NTNG1: variants seen among roughly 807,000 people sequenced by gnomAD.
NTNG1 encodes the protein netrin-G1.
NTNG1 carries 16 observed loss-of-function variants against 54.0 expected under a neutral mutation model. That is an observed-to-expected ratio of 0.30 (90% CI 0.20 to 0.45). The LOEUF (loss-of-function observed/expected upper bound fraction) is 0.45. Ranked by LOEUF, NTNG1 falls within the 20% of genes least tolerant of loss-of-function variation. The pLI is 1.00. For synonymous variants in NTNG1, 255 were observed against 263.1 expected (o/e 0.97, Z 0.30); for missense variants, 530 against 678.7 (o/e 0.78, Z 2.43).
chr1:107,472,677 C>T (rs952053093), intron 7 of NTNG1, among the ~76,000 whole-genome samples: 5 of 141,006 alleles, frequency 3.5e-5, no homozygotes, highest in African/African-American at 9.8e-5. Flanking sequence ...CATACTACCC[C>T]TCATGGCCAG....
At chr1:107,430,541 C>T (rs940037343) in intron 5 of NTNG1, 9 of 689,566 alleles carry the variant, frequency 1.3e-5, no homozygotes, top group South Asian at 3.1e-5. Flanking sequence ...AGTCTTGTTC[C>T]GAATGTCCGA....
At chr1:107,359,207 T>C (rs1203046518) in intron 3 of NTNG1, among the ~76,000 whole-genome samples, 1 of 152,196 alleles carries the variant, frequency 6.6e-6, no homozygotes, top group Non-Finnish European at 1.5e-5. Context: ...TAGCAGCTCA[T>C]GACAATGTAA....
At chr1:107,185,839 C>T (rs1452327384) in intron 2 of NTNG1, among the ~76,000 whole-genome samples, 2 of 149,820 alleles carry the variant, frequency 1.3e-5, no homozygotes, top group African/African-American at 2.5e-5. Flanking sequence ...CAGTCTACCA[C>T]ATCCTTATCC....
At chr1:107,238,774 A>G (rs1028014777) in intron 2 of NTNG1, among the ~76,000 whole-genome samples, 1 of 150,002 alleles carries the variant, frequency 6.7e-6, no homozygotes, top group Non-Finnish European at 1.5e-5. Context: ...GCCATGTGGA[A>G]CTGTGAGTCC....
At chr1:107,368,553 A>G (rs1458067462) in intron 3 of NTNG1, among the ~76,000 whole-genome samples, 1 of 152,204 alleles carries the variant, frequency 6.6e-6, no homozygotes, top group Non-Finnish European at 1.5e-5. Flanking sequence ...CTCCTTCATT[A>G]GAGCCACCAT....
chr1:107,358,356 T>C (rs573329281), intron 3 of NTNG1, among the ~76,000 whole-genome samples: 1 of 149,318 alleles, frequency 6.7e-6, no homozygotes, highest in South Asian at 2.2e-4. Flanking sequence ...GAGATAGTAC[T>C]TAATTTTTTT....
chr1:107,410,589 C>T (rs1239141789), intron 5 of NTNG1: 1 of 152,148 alleles, frequency 6.6e-6, no homozygotes, highest in East Asian at 1.9e-4. Flanking sequence ...GCCTTTGAGC[C>T]TTATGATCTA....
chr1:107,424,724 T>G (rs931001873), intron 5 of NTNG1, among the ~76,000 whole-genome samples: 1 of 152,076 alleles, frequency 6.6e-6, no homozygotes, highest in African/African-American at 2.4e-5. Context: ...TTGAACAAGT[T>G]AAAGTTGAAA....
chr1:107,263,431 C>T (rs1663504462), intron 2 of NTNG1, among the ~76,000 whole-genome samples: 2 of 151,128 alleles, frequency 1.3e-5, no homozygotes, highest in African/African-American at 4.9e-5. Context: ...TATACTCTTT[C>T]TATTTAGGCA....
intron 3 of NTNG1, among the ~76,000 whole-genome samples, chr1:107,385,213 G>A (rs553119633): frequency 9.1e-4 from 138 of 152,264 alleles, no homozygotes; most frequent in African/African-American, 3.1e-3. Context: ...GACTGGGATC[G>A]TGGCCTCTGC....
At chr1:107,395,400 T>G in intron 4 of NTNG1, 74 bp downstream of exon 4, 1 of 1,371,394 alleles carries the variant, frequency 7.3e-7, no homozygotes, top group Non-Finnish European at 1.0e-6. Context: ...TTGCTTACAA[T>G]TGTGATTTTA....
intron 3 of NTNG1, among the ~76,000 whole-genome samples, chr1:107,357,022 G>A (rs1669974887): frequency 1.3e-5 from 2 of 152,112 alleles, no homozygotes. Flanking sequence ...AGACCAATCT[G>A]ATGATGGGGA....
intron 2 of NTNG1, among the ~76,000 whole-genome samples, chr1:107,202,044 A>T (rs1658798534): frequency 6.6e-6 from 1 of 151,776 alleles, no homozygotes; most frequent in South Asian, 2.1e-4. Context: ...GTCTTATATT[A>T]ATATTGCTAT....
intron 3 of NTNG1, among the ~76,000 whole-genome samples, chr1:107,340,735 G>T (rs1668854050): frequency 6.6e-6 from 1 of 152,026 alleles, no homozygotes; most frequent in African/African-American, 2.4e-5. Flanking sequence ...TACATAGAGA[G>T]GCAACAGAGA....
intron 2 of NTNG1, among the ~76,000 whole-genome samples, chr1:107,218,416 A>G (rs1313082765): frequency 5.3e-5 from 8 of 152,108 alleles, no homozygotes; most frequent in Admixed American, 4.6e-4. Context: ...GCCATTCTGT[A>G]TCTTTTAAAT....
rs146152797 is a variant in NTNG1, at chr1:107,386,518, A to G, written c.888-8636A>G. On this transcript the variant is annotated intron_variant, in intron 3 of 7. Coordinates refer to ENST00000370068, the MANE Select transcript of NTNG1 (RefSeq NM_001113226.3). ...GCCTTTTGTGTCTGACATTTTTCAC[A>G]TAGCACAATGCTTCCAAGGTTAATT... Among the ~76,000 whole-genome samples the G allele has an allele frequency of 4.3e-3, 649 of 152,260 alleles. 4 individuals are homozygous for G. Among genetic ancestry groups the G allele is most frequent in the African/African-American group, 0.015 (617 of 41,556 alleles).
At chr1:107,315,104 T>C (rs1570657828) in intron 2 of NTNG1, among the ~76,000 whole-genome samples, 1 of 152,304 alleles carries the variant, frequency 6.6e-6, no homozygotes, top group Non-Finnish European at 1.5e-5. Context: ...AAACACCTAC[T>C]TGGTCACTCC....
At chr1:107,141,443 G>A (rs1254954933) in intron 1 of NTNG1, 1 of 150,730 alleles carries the variant, frequency 6.6e-6, no homozygotes, top group South Asian at 2.1e-4. Flanking sequence ...CCGGCGCAAG[G>A]GCAAACGAGC....
chr1:107,472,003 A>T (rs895465056), intron 7 of NTNG1, among the ~76,000 whole-genome samples: 28 of 152,196 alleles, frequency 1.8e-4, no homozygotes, highest in African/African-American at 6.8e-4. Context: ...TAGGTGGGTA[A>T]ATAGGACAAG....
Sources: allele counts gnomAD v4.1 joint callset (sites outside exome capture counted in the v4.1 genomes callset), GRCh38; gene constraint gnomAD v4.1.1; transcripts MANE v1.5; gene names NCBI Gene and HGNC (gene_info 2026-07-23, HGNC 2026-07-21).